The following GUCA1B variants were observed in gnomAD, a reference collection of about 807,000 sequenced individuals.
The protein encoded by GUCA1B is guanylyl cyclase-activating protein 2.
In GUCA1B, 22 loss-of-function variants were observed where a neutral mutation model predicts 24.2. The observed-to-expected ratio is 0.91, with a 90% CI of 0.65 to 1.30. The LOEUF is 1.30. Among genes scored for constraint, GUCA1B ranks in the 50% most tolerant of loss-of-function variants. The pLI is 0.00. For synonymous variants in GUCA1B, 100 were observed against 97.9 expected (o/e 1.02, Z -0.13); for missense variants, 221 against 258.8 (o/e 0.85, Z 1.00).
rs1010025033 is a variant in GUCA1B, at chr6:42,184,173, C to T, written c.*642G>A. Among the ~76,000 whole-genome samples the T allele has an allele frequency of 1.4e-4, 22 of 151,810 alleles. No homozygotes were observed. The highest frequency in any genetic ancestry group is 4.6e-4 in the African/African-American group (19 of 41,322). ...GCGCAATCTCGGCTCACTGTAGGCT[C>T]GGCCCCCTGGGGTTCACGCCATTCT... On this transcript the variant is annotated 3_prime_UTR_variant, in exon 4 of 4. Transcript: ENST00000230361.
intron 1 of GUCA1B, among the ~76,000 whole-genome samples, 190 bp from the exon 2 acceptor site, chr6:42,188,921 C>A (rs111771592): frequency 0.26 from 34,631 of 135,128 alleles, 4,396 homozygotes; most frequent in African/African-American, 0.46. Context: ...TCATCTCTCT[C>A]TCTCTCTCTC....
chr6:42,191,665 A>C (rs1172728625), intron 1 of GUCA1B, among the ~76,000 whole-genome samples: 1 of 152,232 alleles, frequency 6.6e-6, no homozygotes, highest in Non-Finnish European at 1.5e-5. Flanking sequence ...AATTTGACTG[A>C]ACAATAGGAT....
At chr6:42,189,969 G>A (rs1471622239) in intron 1 of GUCA1B, among the ~76,000 whole-genome samples, 1 of 152,110 alleles carries the variant, frequency 6.6e-6, no homozygotes, top group Admixed American at 6.5e-5. Context: ...AGATCCCCCA[G>A]GAGTGCCTGT....
At chr6:42,187,498 G>A (rs924551855) in intron 2 of GUCA1B, among the ~76,000 whole-genome samples, 3 of 145,796 alleles carry the variant, frequency 2.1e-5, no homozygotes, top group East Asian at 2.0e-4. Flanking sequence ...ACAGCTCATC[G>A]CAGCCTCGAC....
Position 42,184,716 on chromosome 6 carries a change from C to T in GUCA1B, c.*99G>A. ...TGCACAGGGGGTGCCAGGAAGTCAACACCAGGGGAAGAGTGGGCATGAGCA... is the reference window on the plus strand; with the variant it reads ...TGCACAGGGGGTGCCAGGAAGTCAATACCAGGGGAAGAGTGGGCATGAGCA... On this transcript the variant is annotated 3_prime_UTR_variant, in exon 4 of 4. Transcript: ENST00000230361. 1 of 1,252,638 alleles carries T rather than the reference C, an allele frequency of 8.0e-7. No individual in the cohort carries two copies. 77.6% of individuals were successfully genotyped at this position (1,252,638 alleles called of 1,614,324 possible). A position where few individuals can be genotyped will look rare whatever the true frequency, so the allele number is the denominator to read the frequency against.
At chr6:42,191,586 T>C (rs1243712526) in intron 1 of GUCA1B, among the ~76,000 whole-genome samples, 2 of 152,164 alleles carry the variant, frequency 1.3e-5, no homozygotes, top group Non-Finnish European at 2.9e-5. Flanking sequence ...TACAGTGGAA[T>C]GCCAACTAAT....
chr6:42,191,078 A>G (rs1768295943), intron 1 of GUCA1B, among the ~76,000 whole-genome samples: 1 of 152,160 alleles, frequency 6.6e-6, no homozygotes, highest in Non-Finnish European at 1.5e-5. Context: ...GTCAGCTCCA[A>G]TTACCCACAG....
At chr6:42,192,228 C>T (rs1444894175) in intron 1 of GUCA1B, among the ~76,000 whole-genome samples, 1 of 151,050 alleles carries the variant, frequency 6.6e-6, no homozygotes, top group Non-Finnish European at 1.5e-5. Context: ...GTGGTGCTCG[C>T]CTGTAGTCCC....
intron 1 of GUCA1B, 25 bp from the exon 2 acceptor site, chr6:42,188,756 A>G: frequency 6.2e-7 from 1 of 1,606,670 alleles, no homozygotes; most frequent in South Asian, 1.1e-5. Flanking sequence ...GATGCTGCTG[A>G]GGGCACAGCC....
In GUCA1B at chr6:42,184,327, G is replaced by A. The variant is rs7764586; in HGVS notation, c.*488C>T. On this transcript the variant is annotated 3_prime_UTR_variant, in exon 4 of 4. Transcript: ENST00000230361. ...AGGATGGTCTCGATCTCCTGACCTC[G>A]TGATCTGCCCGCCTCGGCCTCCCAA... 3,227 of 214,826 alleles carry A rather than the reference G, an allele frequency of 0.015. 88 individuals are homozygous for A. The highest frequency in any genetic ancestry group is 0.063 in the African/African-American group (2,808 of 44,234). The allele number at this position is 214,826 out of a possible 1,614,324, so 13.3% of individuals were successfully genotyped here.
intron 2 of GUCA1B, among the ~76,000 whole-genome samples, chr6:42,186,364 G>A (rs997786598): frequency 1.1e-4 from 17 of 152,030 alleles, no homozygotes; most frequent in African/African-American, 3.4e-4. Context: ...AGGCCGAGGC[G>A]GGTGGATCAT....
At chr6:42,194,434 A>G (rs1768361928) in intron 1 of GUCA1B, among the ~76,000 whole-genome samples, 180 bp downstream of exon 1, 1 of 152,180 alleles carries the variant, frequency 6.6e-6, no homozygotes, top group Non-Finnish European at 1.5e-5. Context: ...AAAGGGACAA[A>G]AGGAAGAGAA....
At chr6:42,188,803 C>T in intron 1 of GUCA1B, 72 bp from the exon 2 acceptor site, 1 of 1,408,582 alleles carries the variant, frequency 7.1e-7, no homozygotes, top group Non-Finnish European at 9.9e-7. Context: ...TCCCTGCAAA[C>T]ACAGGGCTTC....
chr6:42,192,707 A>G (rs9357389), intron 1 of GUCA1B, among the ~76,000 whole-genome samples: 83,065 of 151,822 alleles, frequency 0.55, 24,622 homozygotes, highest in East Asian at 0.85. Flanking sequence ...GCGAGACCTC[A>G]TCTCTACCAA....
At position 42,188,562 on chromosome 6, in the gene GUCA1B, C is replaced by G; in HGVS notation, c.357+20G>C. On this transcript the variant is annotated intron_variant, in intron 2 of 3. Coordinates refer to ENST00000230361, the MANE Select transcript of GUCA1B (RefSeq NM_002098.6). The stretch of plus-strand genomic sequence containing the variant: ...GTGCTCTAGTGCCCAGGCTGCTGGC[C>G]CATGGGCAGAGACACTAACCTCCAC... 6.2e-7 allele frequency: 1 copy of G among 1,613,164 alleles called. No individual in the cohort carries two copies. The highest frequency in any genetic ancestry group is 1.1e-5 in the South Asian group (1 of 91,050).
intron 1 of GUCA1B, among the ~76,000 whole-genome samples, chr6:42,189,799 T>C (rs981105844): frequency 1.5e-4 from 23 of 152,208 alleles, no homozygotes; most frequent in African/African-American, 5.3e-4. Flanking sequence ...AAAGAGGATA[T>C]ATTCTTGCTT....
intron 1 of GUCA1B, among the ~76,000 whole-genome samples, chr6:42,190,086 A>G (rs1237969308): frequency 1.3e-5 from 2 of 152,236 alleles, no homozygotes; most frequent in Admixed American, 6.5e-5. Context: ...GGGGTGCCTC[A>G]GTGAACAAGG....
chr6:42,187,183 C>T (rs1383771331), intron 2 of GUCA1B, among the ~76,000 whole-genome samples: 1 of 152,144 alleles, frequency 6.6e-6, no homozygotes, highest in Non-Finnish European at 1.5e-5. Context: ...CGGCTTGCTG[C>T]AAGCTCCGCC....
chr6:42,187,593 T>C (rs1037409237), intron 2 of GUCA1B, among the ~76,000 whole-genome samples: 1 of 151,020 alleles, frequency 6.6e-6, no homozygotes, highest in African/African-American at 2.4e-5. Flanking sequence ...GCTAATTTTT[T>C]TGTAATTTTT....
Sources: allele counts gnomAD v4.1 joint callset (sites outside exome capture counted in the v4.1 genomes callset), GRCh38; gene constraint gnomAD v4.1.1; transcripts MANE v1.5; gene names NCBI Gene and HGNC (gene_info 2026-07-23, HGNC 2026-07-21).